The following EXT1 variants were observed in gnomAD, a reference collection of about 807,000 sequenced individuals.
EXT1 encodes exostosin-1.
In EXT1, 20 loss-of-function variants were observed where a neutral mutation model predicts 82.5. The observed-to-expected ratio is 0.24, with a 90% confidence interval of 0.17 to 0.35. The LOEUF (loss-of-function observed/expected upper bound fraction) is 0.35, where lower values mean the gene tolerates loss of function less well. Among genes scored for constraint, EXT1 ranks in the 10% least tolerant of loss-of-function variants. The probability of loss-of-function intolerance (pLI) is 1.00; values close to 1 mark genes in which losing one functional copy is unlikely to be tolerated. For missense variants in EXT1, 757 were observed against 936.5 expected, an observed-to-expected ratio of 0.81 and a Z score of 2.50; for synonymous variants, 348 against 350.8, an observed-to-expected ratio of 0.99 and a Z score of 0.09.
chr8:118,021,223 T>C (rs1477126694), intron 1 of EXT1, among the ~76,000 whole-genome samples: 1 of 152,200 alleles, frequency 6.6e-6, no homozygotes, highest in African/African-American at 2.4e-5. Context: ...ATGAATACGC[T>C]TTTCATATGG....
In EXT1 at chr8:117,804,788, A is replaced by T. The variant is rs1650940068; in HGVS notation, c.1989T>A (p.Ala663=). ...CTTTGATTGGAGGCAATTTTGTCAC[A>T]GCAGACACCAGGAAGTTCATGAGAA... is the stretch of plus-strand genomic sequence containing the variant. ...EDILMNFLVS[A]VTKLPPIKVT... The change falls in exon 10 of 11, where the codon GCT becomes GCA. Residue 663 remains alanine, a synonymous_variant. Transcript: ENST00000378204. 2 of 1,614,046 alleles carry T rather than the reference A, an allele frequency of 1.2e-6. No individual in the cohort carries two copies. Among genetic ancestry groups the T allele is most frequent in the African/African-American group, 2.7e-5 (2 of 74,934 alleles).
intron 1 of EXT1, among the ~76,000 whole-genome samples, chr8:117,916,156 A>G (rs1813744841): frequency 1.3e-5 from 2 of 152,230 alleles, no homozygotes; most frequent in Admixed American, 1.3e-4. Flanking sequence ...CAGTAACTTT[A>G]CCCATGTTAA....
intron 1 of EXT1, among the ~76,000 whole-genome samples, chr8:118,093,337 A>C (rs1041485632): frequency 6.6e-6 from 1 of 151,858 alleles, no homozygotes; most frequent in East Asian, 1.9e-4. Context: ...CAGGCCTATA[A>C]TCATCATTGT....
At chr8:118,024,016 G>A (rs1458285156) in intron 1 of EXT1, among the ~76,000 whole-genome samples, 1 of 152,198 alleles carries the variant, frequency 6.6e-6, no homozygotes, top group Non-Finnish European at 1.5e-5. Flanking sequence ...AGTCTAGAGT[G>A]GACATTGCTC....
intron 1 of EXT1, among the ~76,000 whole-genome samples, chr8:118,023,162 A>G (rs1334840613): frequency 6.6e-6 from 1 of 152,238 alleles, no homozygotes; most frequent in East Asian, 1.9e-4. Flanking sequence ...GAAATAGAAT[A>G]AAGTTTACTT....
chr8:118,042,033 G>A (rs1816541498), intron 1 of EXT1, among the ~76,000 whole-genome samples: 1 of 152,040 alleles, frequency 6.6e-6, no homozygotes, highest in Non-Finnish European at 1.5e-5. Context: ...GTTGGATGAG[G>A]AGCTCTGGCC....
intron 1 of EXT1, among the ~76,000 whole-genome samples, chr8:118,040,255 T>C (rs1289955274): frequency 6.6e-6 from 1 of 152,194 alleles, no homozygotes; most frequent in African/African-American, 2.4e-5. Context: ...TCTTCCTCTG[T>C]CTTTGTTTCT....
chr8:117,927,677 T>C (rs1157367154), intron 1 of EXT1, among the ~76,000 whole-genome samples: 1 of 152,154 alleles, frequency 6.6e-6, no homozygotes, highest in Non-Finnish European at 1.5e-5. Flanking sequence ...GCTTACAAAA[T>C]AGAAAGATAC....
intron 5 of EXT1, among the ~76,000 whole-genome samples, chr8:117,820,587 C>A (rs773508566): frequency 6.6e-6 from 1 of 151,754 alleles, no homozygotes. Flanking sequence ...TATCGGGAGG[C>A]TGAAGCAGGA....
chr8:118,099,868 C>T (rs1021424895), intron 1 of EXT1, among the ~76,000 whole-genome samples: 1 of 152,166 alleles, frequency 6.6e-6, no homozygotes, highest in South Asian at 2.1e-4. Context: ...TATGTGCATG[C>T]CAACAGGATA....
At chr8:117,887,124 T>A (rs1323317868) in intron 1 of EXT1, among the ~76,000 whole-genome samples, 2 of 152,176 alleles carry the variant, frequency 1.3e-5, no homozygotes, top group African/African-American at 4.8e-5. Context: ...ATCACCTTTG[T>A]CTTTTATTTG....
intron 1 of EXT1, among the ~76,000 whole-genome samples, chr8:118,098,226 A>C (rs1817654694): frequency 6.6e-6 from 1 of 152,172 alleles, no homozygotes; most frequent in Non-Finnish European, 1.5e-5. Context: ...TGCCTGCTAC[A>C]CGTCCAAGCT....
At chr8:117,854,679 G>C (rs563726894) in intron 1 of EXT1, among the ~76,000 whole-genome samples, 1 of 152,154 alleles carries the variant, frequency 6.6e-6, no homozygotes, top group East Asian at 1.9e-4. Flanking sequence ...ACACTCATTC[G>C]CTGAACACTA....
intron 1 of EXT1, among the ~76,000 whole-genome samples, chr8:117,899,447 T>A (rs902571726): frequency 4.6e-5 from 7 of 152,206 alleles, no homozygotes; most frequent in Admixed American, 1.3e-4. Flanking sequence ...CGTGTATAAA[T>A]AATTAGGCAA....
chr8:118,094,970 A>T (rs1250864400), intron 1 of EXT1, among the ~76,000 whole-genome samples: 1 of 152,226 alleles, frequency 6.6e-6, no homozygotes, highest in African/African-American at 2.4e-5. Flanking sequence ...ATTTGGAGTC[A>T]GTTGAACACC....
At chr8:117,913,120 G>C (rs947132305) in intron 1 of EXT1, among the ~76,000 whole-genome samples, 1 of 152,148 alleles carries the variant, frequency 6.6e-6, no homozygotes, top group African/African-American at 2.4e-5. Flanking sequence ...TACTTGGAAG[G>C]CTGAGGCAGG....
At chr8:118,041,949 G>A (rs112686575) in intron 1 of EXT1, among the ~76,000 whole-genome samples, 13,031 of 45,664 alleles carry the variant, frequency 0.29, 1,686 homozygotes, top group African/African-American at 0.53. Flanking sequence ...CTCTGCCTCA[G>A]AAAAAAAAAA....
chr8:118,068,584 GT>G (rs1313864208), intron 1 of EXT1, among the ~76,000 whole-genome samples: 1 of 151,794 alleles, frequency 6.6e-6, no homozygotes, highest in Non-Finnish European at 1.5e-5. Flanking sequence ...ATGCACAGCA[GT>G]TTTTTTTAAT....
At chr8:117,826,539 T>C (rs1812010501) in intron 4 of EXT1, among the ~76,000 whole-genome samples, 1 of 152,246 alleles carries the variant, frequency 6.6e-6, no homozygotes. Flanking sequence ...ACTTAAATTG[T>C]TCTTATAAAC....
Sources: allele counts gnomAD v4.1 joint callset (sites outside exome capture counted in the v4.1 genomes callset), GRCh38; gene constraint gnomAD v4.1.1; transcripts MANE v1.5; gene names NCBI Gene and HGNC (gene_info 2026-07-23, HGNC 2026-07-21).